The following DCC variants were observed in gnomAD, a reference collection of about 807,000 sequenced individuals.
DCC encodes the protein DCC netrin 1 receptor, also known as netrin receptor DCC.
In DCC, 58 loss-of-function variants were observed where a neutral mutation model predicts 172.5. The ratio of observed to expected loss-of-function variants is 0.34; its 90% confidence interval spans 0.27 to 0.42. The LOEUF (loss-of-function observed/expected upper bound fraction) is 0.42. Among genes scored for constraint, DCC ranks in the 10% least tolerant of loss-of-function variants. DCC has a pLI of 1.00. For synonymous variants in DCC, 709 were observed against 644.5 expected (o/e 1.10, Z -1.52); for missense variants, 1,740 against 1,791.0 (o/e 0.97, Z 0.51).
At chr18:52,390,414 C>T (rs895054493) in intron 1 of DCC, among the ~76,000 whole-genome samples, 31 of 152,028 alleles carry the variant, frequency 2.0e-4, no homozygotes, top group Non-Finnish European at 1.9e-4. Context: ...TCCTGGGAAG[C>T]CTGGCAGAGG....
chr18:53,104,105 C>G (rs997069310), intron 7 of DCC, among the ~76,000 whole-genome samples: 2 of 152,086 alleles, frequency 1.3e-5, no homozygotes, highest in African/African-American at 4.8e-5. Flanking sequence ...TGATTTTCCT[C>G]TTGCTGCAGG....
intron 1 of DCC, among the ~76,000 whole-genome samples, chr18:52,405,016 T>A (rs1041194979): frequency 6.6e-6 from 1 of 151,974 alleles, no homozygotes; most frequent in Non-Finnish European, 1.5e-5. Context: ...GGCTGCATAG[T>A]ATTCCATGGT....
At chr18:53,032,950 T>C (rs900660691) in intron 5 of DCC, among the ~76,000 whole-genome samples, 1 of 152,152 alleles carries the variant, frequency 6.6e-6, no homozygotes, top group African/African-American at 2.4e-5. Context: ...AAAAGCGTAA[T>C]GGCATACCTA....
chr18:53,214,859 G>T (rs2055821838), intron 11 of DCC, among the ~76,000 whole-genome samples: 1 of 152,084 alleles, frequency 6.6e-6, no homozygotes, highest in Non-Finnish European at 1.5e-5. Flanking sequence ...TTAAAAGAGA[G>T]CTGTATATGT....
chr18:52,771,060 T>C (rs2037334050), intron 2 of DCC, among the ~76,000 whole-genome samples: 2 of 152,166 alleles, frequency 1.3e-5, no homozygotes, highest in African/African-American at 4.8e-5. Flanking sequence ...AATCCGCTTT[T>C]CTTTTCAGAA....
chr18:52,640,910 C>CAAA (rs145130768), intron 1 of DCC, among the ~76,000 whole-genome samples: 4,784 of 152,168 alleles, frequency 0.031, 123 homozygotes, highest in Admixed American at 0.079. Context: ...ATAGCCAAAG[C>CAAA]AACACTAAAC....
In DCC at chr18:53,086,518, TTTCTTCTTCCTTCTTCTTCTTCTTCTTTC is replaced by T. The variant is rs1472974056; in HGVS notation, c.1261+20409_1261+20437del. On this transcript the variant is annotated intron_variant, in intron 7 of 28. Coordinates refer to ENST00000442544, the MANE Select transcript of DCC (RefSeq NM_005215.4). ...TCTTCTTCCTTTCTTCTTCTTCTTC[TTTCTTCTTCCTTCTTCTTCTTCTTCTTTC>T]TTCTTCTTCCTTCTTCTTCTTCTTC... is the stretch of plus-strand genomic sequence containing the variant. Among the ~76,000 whole-genome samples, 82 of 53,476 alleles carry T rather than the reference TTTCTTCTTCCTTCTTCTTCTTCTTCTTTC, an allele frequency of 1.5e-3. 10 individuals are homozygous for T. Among genetic ancestry groups the T allele is most frequent in the Non-Finnish European group, 2.7e-3 (78 of 29,332 alleles). 35.1% of individuals were successfully genotyped at this position (53,476 alleles called of 152,430 possible).
intron 1 of DCC, among the ~76,000 whole-genome samples, chr18:52,661,955 C>T (rs2035368453): frequency 6.6e-6 from 1 of 151,978 alleles, no homozygotes; most frequent in Non-Finnish European, 1.5e-5. Flanking sequence ...AATTGGGTTT[C>T]CTGATAGAAG....
At chr18:53,464,383 A>G (rs1239747603) in intron 24 of DCC, among the ~76,000 whole-genome samples, 1 of 152,176 alleles carries the variant, frequency 6.6e-6, no homozygotes, top group Non-Finnish European at 1.5e-5. Context: ...CAAATGGGCA[A>G]TGTGATTTAA....
chr18:52,545,293 G>T (rs1450980078), intron 1 of DCC, among the ~76,000 whole-genome samples: 1 of 152,220 alleles, frequency 6.6e-6, no homozygotes, highest in Non-Finnish European at 1.5e-5. Context: ...GTGGAGGGAT[G>T]CCTTCTTGTA....
At chr18:52,564,246 C>A (rs2033104075) in intron 1 of DCC, among the ~76,000 whole-genome samples, 1 of 152,024 alleles carries the variant, frequency 6.6e-6, no homozygotes, top group Non-Finnish European at 1.5e-5. Flanking sequence ...ATAGATTCTC[C>A]ATTTACATAC....
chr18:52,734,321 T>C (rs2083992657), intron 1 of DCC, among the ~76,000 whole-genome samples: 1 of 152,154 alleles, frequency 6.6e-6, no homozygotes, highest in African/African-American at 2.4e-5. Context: ...ATCACTCTAG[T>C]GATTAGCTTG....
chr18:53,299,900 T>A (rs1419716634), intron 12 of DCC, among the ~76,000 whole-genome samples: 1 of 152,186 alleles, frequency 6.6e-6, no homozygotes, highest in Non-Finnish European at 1.5e-5. Flanking sequence ...CAATAGACCT[T>A]AACTCACAGA....
intron 2 of DCC, among the ~76,000 whole-genome samples, chr18:52,760,438 C>T (rs56119117): frequency 0.045 from 6,902 of 152,122 alleles, 578 homozygotes; most frequent in East Asian, 0.41. Flanking sequence ...ATCACTTCCC[C>T]GGCTATGGGG....
chr18:53,382,607 C>T (rs1361024966), intron 15 of DCC, among the ~76,000 whole-genome samples: 1 of 151,998 alleles, frequency 6.6e-6, no homozygotes, highest in Non-Finnish European at 1.5e-5. Flanking sequence ...TTTCTCTGCC[C>T]AGAATTATAT....
At chr18:53,309,750 C>A (rs533564850) in intron 13 of DCC, among the ~76,000 whole-genome samples, 37 of 152,008 alleles carry the variant, frequency 2.4e-4, no homozygotes, top group Non-Finnish European at 4.4e-4. Flanking sequence ...CACAAATGCC[C>A]ATTTGCATCT....
intron 1 of DCC, among the ~76,000 whole-genome samples, chr18:52,658,739 T>C (rs1365696472): frequency 1.3e-5 from 2 of 152,134 alleles, no homozygotes; most frequent in African/African-American, 4.8e-5. Context: ...TTCTGTATAG[T>C]AGTTGGGAAT....
chr18:52,478,119 T>C (rs1161754710), intron 1 of DCC, among the ~76,000 whole-genome samples: 2 of 152,182 alleles, frequency 1.3e-5, no homozygotes, highest in Admixed American at 1.3e-4. Flanking sequence ...CCCTGGTCTA[T>C]ATGTATATCC....
chr18:52,643,856 T>C (rs1305852113), intron 1 of DCC, among the ~76,000 whole-genome samples: 1 of 152,186 alleles, frequency 6.6e-6, no homozygotes, highest in African/African-American at 2.4e-5. Flanking sequence ...TTCCATCTTG[T>C]TTGTCCTGAC....
Sources: gnomAD v4.1 joint callset for allele counts (sites outside exome capture counted in the v4.1 genomes callset) on GRCh38, gnomAD v4.1.1 for gene constraint, MANE v1.5 for transcripts, NCBI Gene and HGNC (gene_info 2026-07-23, HGNC 2026-07-21) for gene names.